Variants in PRSS27 observed in about 807,000 individuals in gnomAD.
PRSS27 encodes channel-activating protease 2.
PRSS27 carries 25 observed loss-of-function variants against 32.0 expected under a neutral mutation model. That is an observed-to-expected ratio of 0.78 (90% confidence interval 0.57 to 1.09). The LOEUF (loss-of-function observed/expected upper bound fraction) is 1.09, where lower values mean the gene tolerates loss of function less well. PRSS27 is among the 50% of genes least tolerant of loss of function. The pLI, the probability that PRSS27 is intolerant of heterozygous loss-of-function variation, is 0.00. For synonymous variants in PRSS27, 178 were observed against 172.2 expected (o/e 1.03, Z -0.26); for missense variants, 401 against 394.9 (o/e 1.02, Z -0.13).
rs1207958369 is a variant in PRSS27, at chr16:2,714,461, T to C, written c.237-125A>G. 1 of 1,123,564 alleles carries C rather than the reference T, an allele frequency of 8.9e-7. No homozygotes were observed. The highest frequency in any genetic ancestry group is 1.3e-6 in the Non-Finnish European group (1 of 780,806). 69.6% of individuals were successfully genotyped at this position (1,123,564 alleles called of 1,614,324 possible). A position where few individuals can be genotyped will look rare whatever the true frequency, so the allele number is the denominator to read the frequency against. On this transcript the variant is annotated intron_variant, in intron 3 of 5. Transcript: ENST00000302641. This position sits in a 1 kb window ranked among gnomAD's most constrained non-coding sequence, Gnocchi z 4.7. ...TCTCTCTGCACAATGTCTTCGAGAG[T>C]CATCTCTAGGACAGCCAGGTGCAGC...
Position 2,712,437 on chromosome 16 carries a change from G to A in PRSS27, c.*183C>T, listed in dbSNP as rs2067667221. The A allele has an allele frequency of 8.3e-6, 5 of 603,536 alleles. No homozygotes were observed. 37.4% of individuals were successfully genotyped at this position (603,536 alleles called of 1,614,324 possible). ...CGTGGGCAGCTGGCACACAGGCTGG[G>A]TTTTTATTGGGAGAAACATAAATAA... is the stretch of plus-strand genomic sequence containing the variant. On this transcript the variant is annotated 3_prime_UTR_variant, in exon 6 of 6. Transcript: ENST00000302641. This position sits in a 1 kb window ranked among gnomAD's most constrained non-coding sequence, Gnocchi z 4.6.
chr16:2,720,199 G>T lies in PRSS27; in HGVS notation c.-39C>A. 1.3e-6 allele frequency: 2 copies of T among 1,556,866 alleles called. No individual in the cohort carries two copies. Among genetic ancestry groups the T allele is most frequent in the Admixed American group, 1.9e-5 (1 of 52,152 alleles). Reference sequence around the variant, plus strand: ...GCTGGGGCGCAGGGCCGTGGTCGGCGGTGGCAGAAGCGTTGGAGCACGAGC... The same window carrying T: ...GCTGGGGCGCAGGGCCGTGGTCGGCTGTGGCAGAAGCGTTGGAGCACGAGC... On this transcript the variant is annotated 5_prime_UTR_variant, in exon 1 of 6. Coordinates refer to ENST00000302641, the MANE Select transcript of PRSS27 (RefSeq NM_031948.5).
rs1213633368 is a variant in PRSS27, at chr16:2,717,129, A to T, written c.47-603T>A. On this transcript the variant is annotated intron_variant, in intron 1 of 5. Coordinates refer to ENST00000302641, the MANE Select transcript of PRSS27 (RefSeq NM_031948.5). This position sits in a 1 kb window ranked among gnomAD's most constrained non-coding sequence, Gnocchi z 4.1. Reference sequence around the variant, plus strand: ...GGTACAGTGGTCTGCATTGGCCACCAGGGATCAGCCTTCTCAAGATTCCAG... The same window carrying T: ...GGTACAGTGGTCTGCATTGGCCACCTGGGATCAGCCTTCTCAAGATTCCAG... The T allele has an allele frequency of 6.5e-6, 1 of 152,852 alleles. No homozygotes were observed. Among genetic ancestry groups the T allele is most frequent in the Non-Finnish European group, 1.5e-5 (1 of 68,522 alleles). 9.5% of individuals were successfully genotyped at this position (152,852 alleles called of 1,614,324 possible).
chr16:2,720,195 C>G lies in PRSS27; in HGVS notation c.-35G>C. On this transcript the variant is annotated 5_prime_UTR_variant, in exon 1 of 6. Coordinates refer to ENST00000302641, the MANE Select transcript of PRSS27 (RefSeq NM_031948.5). ...CCTGGCTGGGGCGCAGGGCCGTGGT[C>G]GGCGGTGGCAGAAGCGTTGGAGCAC... The G allele has an allele frequency of 1.3e-6, 2 of 1,563,904 alleles. No homozygotes were observed. The highest frequency in any genetic ancestry group is 2.7e-5 in the African/African-American group (2 of 73,922).
chr16:2,715,688 A>C, intron 3 of PRSS27, 30 bp downstream of exon 3: 2 of 1,536,512 alleles, frequency 1.3e-6, no homozygotes, highest in Non-Finnish European at 1.7e-6. Flanking sequence ...TGTCAGCGCT[A>C]TGGGCGGGGG....
chr16:2,713,097 T>C, intron 5 of PRSS27: 1 of 512,066 alleles, frequency 2.0e-6, no homozygotes, highest in East Asian at 3.1e-5. Flanking sequence ...GGAATCTGCT[T>C]TTTCTTTTTT....
At chr16:2,715,687 T>C (rs2067696752) in intron 3 of PRSS27, 31 bp downstream of exon 3, 1 of 1,540,150 alleles carries the variant, frequency 6.5e-7, no homozygotes, top group Non-Finnish European at 8.7e-7. Context: ...CTGTCAGCGC[T>C]ATGGGCGGGG....
At chr16:2,713,019 G>A (rs1225965602) in intron 5 of PRSS27, 6 of 551,826 alleles carry the variant, frequency 1.1e-5, no homozygotes, top group Non-Finnish European at 1.9e-5. Flanking sequence ...GTGTGTGTGT[G>A]TTGAAAATGC....
intron 2 of PRSS27, 55 bp from the exon 3 acceptor site, chr16:2,715,935 G>C: frequency 5.6e-6 from 8 of 1,427,914 alleles, no homozygotes; most frequent in Non-Finnish European, 7.5e-6. Flanking sequence ...TTCCATGGCC[G>C]AGGCCCAGCT....
Position 2,714,456 on chromosome 16 carries a change from G to A in PRSS27, c.237-120C>T, listed in dbSNP as rs148292393. ...ACACCTCTCTCTGCACAATGTCTTC[G>A]AGAGTCATCTCTAGGACAGCCAGGT... On this transcript the variant is annotated intron_variant, in intron 3 of 5. Coordinates refer to ENST00000302641, the MANE Select transcript of PRSS27 (RefSeq NM_031948.5). This position sits in a 1 kb window ranked among gnomAD's most constrained non-coding sequence, Gnocchi z 4.7. 6.3e-5 allele frequency: 73 copies of A among 1,154,472 alleles called. No homozygotes were observed. Among genetic ancestry groups the A allele is most frequent in the Non-Finnish European group, 8.1e-5 (65 of 806,542 alleles). 71.5% of individuals were successfully genotyped at this position (1,154,472 alleles called of 1,614,324 possible).
intron 1 of PRSS27, among the ~76,000 whole-genome samples, chr16:2,719,718 G>C (rs886552763): frequency 4.6e-5 from 7 of 152,296 alleles, no homozygotes; most frequent in African/African-American, 1.7e-4. Flanking sequence ...GAGTATGATG[G>C]TCCAGGCACT....
Position 2,714,618 on chromosome 16 carries a change from GA to G in PRSS27, c.237-283del. The G allele has an allele frequency of 4.1e-6, 2 of 488,234 alleles. No homozygotes were observed. Among genetic ancestry groups the G allele is most frequent in the Non-Finnish European group, 7.5e-6 (2 of 266,956 alleles). 30.2% of individuals were successfully genotyped at this position (488,234 alleles called of 1,614,324 possible). A position where few individuals can be genotyped will look rare whatever the true frequency, so the allele number is the denominator to read the frequency against. ...GCAGCTTTCTCACCTGTGCTGTGGGGACAGTCACAGTGCCTACCTGAAAGGC... is the reference window on the plus strand; with the variant it reads ...GCAGCTTTCTCACCTGTGCTGTGGGGCAGTCACAGTGCCTACCTGAAAGGC... On this transcript the variant is annotated intron_variant, in intron 3 of 5. Transcript: ENST00000302641. This position sits in a 1 kb window ranked among gnomAD's most constrained non-coding sequence, Gnocchi z 4.7.
At chr16:2,719,240 G>A (rs1342363927) in intron 1 of PRSS27, among the ~76,000 whole-genome samples, 1 of 152,170 alleles carries the variant, frequency 6.6e-6, no homozygotes, top group Non-Finnish European at 1.5e-5. Flanking sequence ...TTGCTCAGAG[G>A]GCACCATCCT....
Position 2,712,754 on chromosome 16 carries a change from T to A in PRSS27, c.739A>T (p.Ile247Phe). The A allele has an allele frequency of 1.3e-6, 2 of 1,586,504 alleles. No homozygotes were observed. Among genetic ancestry groups the A allele is most frequent in the East Asian group, 2.3e-5 (1 of 43,424 alleles). ...VGQSWLQAGV[I>F]SWGEGCARQN... The stretch of plus-strand genomic sequence containing the variant: ...CGGGCACAGCCCTCACCCCAGCTGA[T>A]CACCCCCGCCTGCAGCCACGACTGA... The change falls in exon 6 of 6, where the codon ATC becomes TTC. Residue 247 changes from isoleucine to phenylalanine, a missense_variant. By Grantham distance (21) the Ile-to-Phe change is conservative. Coordinates refer to ENST00000302641, the MANE Select transcript of PRSS27 (RefSeq NM_031948.5). The surrounding 1 kb of genome is among the most constrained non-coding windows in gnomAD (Gnocchi z 4.6).
chr16:2,714,083 C>T lies in PRSS27; in HGVS notation c.490G>A (p.Gly164Ser). Residue 164 changes from glycine (G) to serine (S), a missense_variant, in exon 4 of 6, where the codon GGC becomes AGC. Physicochemically the swap from Gly to Ser is moderately conservative, Grantham distance 56 (BLOSUM62 0). Transcript: ENST00000302641. The surrounding 1 kb of genome is among the most constrained non-coding windows in gnomAD (Gnocchi z 4.7). ...CCCTTACCTTCCTCACTGGGGCTGCCCCAGCCAGTGACCCAGCAGTTCATG... is the reference window on the plus strand; with the variant it reads ...CCCTTACCTTCCTCACTGGGGCTGCTCCAGCCAGTGACCCAGCAGTTCATG... ...TGMNCWVTGW[G>S]SPSEEDLLPE... 1 of 1,611,498 alleles carries T rather than the reference C, an allele frequency of 6.2e-7. No homozygotes were observed. The highest frequency in any genetic ancestry group is 8.5e-7 in the Non-Finnish European group (1 of 1,178,478).
Position 2,714,354 on chromosome 16 carries a change from G to A in PRSS27, c.237-18C>T. On this transcript the variant is annotated intron_variant, in intron 3 of 5. Transcript: ENST00000302641. The surrounding 1 kb of genome is among the most constrained non-coding windows in gnomAD (Gnocchi z 4.7). ...CAGAGGTGCTGGCGGGAGAAACAGA[G>A]AGGCGGCGTGAGGCGGCCCCTCGTG... The A allele has an allele frequency of 6.3e-7, 1 of 1,584,770 alleles. No homozygotes were observed. Among genetic ancestry groups the A allele is most frequent in the East Asian group, 2.2e-5 (1 of 44,842 alleles).
rs1267763146 is a variant in PRSS27 at position 2,713,601 on chromosome 16, G to T, written c.606C>A (p.Gly202=). The T allele has an allele frequency of 6.2e-7, 1 of 1,614,098 alleles. No homozygotes were observed. Among genetic ancestry groups the T allele is most frequent in the Non-Finnish European group, 8.5e-7 (1 of 1,180,056 alleles). ...NLLYSKDTEF[G]YQPKTIKNDM... ...CATTCTTGATGGTTTTGGGTTGGTA[G>T]CCAAACTCGGTGTCTTTGCTGTAGA... Residue 202 remains glycine, a synonymous_variant, in exon 5 of 6, where the codon GGC becomes GGA. Transcript: ENST00000302641.
At chr16:2,713,015 G>C in intron 5 of PRSS27, 1 of 558,112 alleles carries the variant, frequency 1.8e-6, no homozygotes, top group Non-Finnish European at 3.1e-6. Flanking sequence ...GGGTGTGTGT[G>C]TGTGTTGAAA....
chr16:2,713,306 G>A (rs1470055854), intron 5 of PRSS27: 7 of 571,846 alleles, frequency 1.2e-5, no homozygotes, highest in African/African-American at 3.7e-5. Flanking sequence ...CACTGTGTTA[G>A]CCAGGATGGT....
Sources: allele counts gnomAD v4.1 joint callset (sites outside exome capture counted in the v4.1 genomes callset), GRCh38; gene constraint gnomAD v4.1.1; non-coding constraint Gnocchi (gnomAD v3.1); transcripts MANE v1.5; gene names NCBI Gene and HGNC (gene_info 2026-07-23, HGNC 2026-07-21).